RCHY1: variants seen among roughly 807,000 people sequenced by gnomAD.
The protein encoded by RCHY1 is RING finger and CHY zinc finger domain-containing protein 1.
RCHY1 carries 21 observed loss-of-function variants against 41.6 expected under a neutral mutation model. The ratio of observed to expected loss-of-function variants is 0.51; its 90% CI spans 0.36 to 0.73. The LOEUF is 0.73. RCHY1 is among the 30% of genes least tolerant of loss of function. RCHY1 has a pLI of 0.00. For synonymous variants in RCHY1, 79 were observed against 102.9 expected (o/e 0.77, Z 1.41); for missense variants, 265 against 325.3 (o/e 0.81, Z 1.43).
At chr4:75,490,493 A>ATATT in intron 8 of RCHY1, 88 bp downstream of exon 8, 1 of 843,974 alleles carries the variant, frequency 1.2e-6, no homozygotes, top group Admixed American at 2.6e-5. Context: ...GTATATATAT[A>ATATT]TTTTTTTTTT....
rs889916151 is a variant in RCHY1, at chr4:75,479,071, C to T, written c.*3467G>A. ...AGGAATAAACTTTACTGATCTATTACACAGAATGGTGAGTATAATAAATAA... is the reference window on the plus strand; with the variant it reads ...AGGAATAAACTTTACTGATCTATTATACAGAATGGTGAGTATAATAAATAA... On this transcript the variant is annotated 3_prime_UTR_variant, in exon 9 of 9. Transcript: ENST00000324439. 6.6e-6 allele frequency: 1 copy of T among 151,976 alleles called. No homozygotes were observed. Among genetic ancestry groups the T allele is most frequent in the Non-Finnish European group, 1.5e-5 (1 of 67,966 alleles). The allele number at this position is 151,976 out of a possible 1,614,324, so 9.4% of individuals were successfully genotyped here.
intron 8 of RCHY1, among the ~76,000 whole-genome samples, chr4:75,485,302 A>G (rs949736826): frequency 1.3e-5 from 2 of 152,244 alleles, no homozygotes; most frequent in South Asian, 2.1e-4. Context: ...TTTAGCTAAG[A>G]AACAGTAGTT....
intron 1 of RCHY1, among the ~76,000 whole-genome samples, chr4:75,510,028 G>T (rs1724720178): frequency 1.3e-5 from 2 of 152,116 alleles, no homozygotes; most frequent in African/African-American, 4.8e-5. Flanking sequence ...AAATAATAAA[G>T]ATTATATTCT....
rs777795487 is a variant in RCHY1 at position 75,490,703 on chromosome 4, TGAAAGA to T, written c.537-8_537-3del. 6.3e-7 allele frequency: 1 copy of T among 1,597,958 alleles called. No individual in the cohort carries two copies. Among genetic ancestry groups the T allele is most frequent in the Non-Finnish European group, 8.5e-7 (1 of 1,170,786 alleles). On this transcript the variant is annotated splice_region_variant and splice_polypyrimidine_tract_variant and intron_variant, in intron 7 of 8. Coordinates refer to ENST00000324439, the MANE Select transcript of RCHY1 (RefSeq NM_015436.4). Reference sequence around the variant, plus strand: ...ATACATAATGGACATCTGTAGCCTCTGAAAGAGATAGAAAGGTTATTTTCCAAATAT... The same window carrying T: ...ATACATAATGGACATCTGTAGCCTCTGATAGAAAGGTTATTTTCCAAATAT...
chr4:75,514,124 T>TA lies in RCHY1; in HGVS notation c.90+72dup, dbSNP rs746596177. The TA allele has an allele frequency of 8.3e-6, 13 of 1,559,236 alleles. No homozygotes were observed. In the African/African-American group the frequency reaches 1.6e-4, roughly 19 times the overall value. On this transcript the variant is annotated intron_variant, in intron 1 of 8. Transcript: ENST00000324439. ...TTAACCTCAAACTTAAATCCAAGCC[T>TA]AACCACCTGCCCAGCCCGCCCCAGC...
Position 75,491,987 on chromosome 4 carries a change from G to A in RCHY1, c.406-54C>T, listed in dbSNP as rs552242145. ...AAAGCTTAACTAGATTAAAATGTCA[G>A]GTATAAAAATATTAATAATAAAAAT... On this transcript the variant is annotated intron_variant, in intron 4 of 8. Transcript: ENST00000324439. 1,898 of 1,322,568 alleles carry A rather than the reference G, an allele frequency of 1.4e-3. 3 individuals carry two copies. The highest frequency in any genetic ancestry group is 1.5e-3 in the Non-Finnish European group (1,424 of 973,968). The allele number at this position is 1,322,568 out of a possible 1,614,324, so 81.9% of individuals were successfully genotyped here.
At chr4:75,483,817 T>C (rs1721747525) in intron 8 of RCHY1, among the ~76,000 whole-genome samples, 1 of 152,200 alleles carries the variant, frequency 6.6e-6, no homozygotes, top group Admixed American at 6.5e-5. Context: ...CTGAAGTATC[T>C]GAAGATGTTC....
At chr4:75,494,008 T>A in intron 4 of RCHY1, 93 bp downstream of exon 4, 1 of 745,730 alleles carries the variant, frequency 1.3e-6, no homozygotes, top group African/African-American at 1.9e-5. Flanking sequence ...TGGAAATACA[T>A]GAAAATTAGC....
In RCHY1 at chr4:75,482,495, C is replaced by T; in HGVS notation, c.*43G>A. 6.5e-7 allele frequency: 1 copy of T among 1,538,090 alleles called. No individual in the cohort carries two copies. The highest frequency in any genetic ancestry group is 8.8e-7 in the Non-Finnish European group (1 of 1,141,704). On this transcript the variant is annotated 3_prime_UTR_variant, in exon 9 of 9. Transcript: ENST00000324439. ...ACACGATACCAAGGAAAGCCTTTTT[C>T]TATATCAGAAAATGCCAAGTTCTCC...
chr4:75,493,387 C>A (rs1302299612), intron 4 of RCHY1, among the ~76,000 whole-genome samples: 14 of 151,800 alleles, frequency 9.2e-5, no homozygotes. Flanking sequence ...ACTTCTTATT[C>A]TTATATTCTA....
intron 3 of RCHY1, among the ~76,000 whole-genome samples, chr4:75,501,356 C>G (rs1247478261): frequency 6.6e-6 from 1 of 152,164 alleles, no homozygotes; most frequent in Non-Finnish European, 1.5e-5. Flanking sequence ...TATTGATGAT[C>G]ATATGTCATT....
intron 3 of RCHY1, among the ~76,000 whole-genome samples, chr4:75,506,212 C>T (rs901191568): frequency 9.9e-5 from 15 of 150,982 alleles, no homozygotes; most frequent in Admixed American, 4.0e-4. Context: ...CATTAACTGC[C>T]TTCTGAAAGA....
At position 75,479,504 on chromosome 4, in the gene RCHY1, A is replaced by C. The variant is rs1462119972; in HGVS notation, c.*3034T>G. The C allele has an allele frequency of 6.6e-6, 1 of 152,116 alleles. No individual in the cohort carries two copies. The highest frequency in any genetic ancestry group is 1.5e-5 in the Non-Finnish European group (1 of 67,974). The allele number at this position is 152,116 out of a possible 1,614,324, so 9.4% of individuals were successfully genotyped here. ...GGTTTTAGTGAAGAAATAAAAACTGAGTTTGATTTTAAAATCCATGACACT... is the reference window on the plus strand; with the variant it reads ...GGTTTTAGTGAAGAAATAAAAACTGCGTTTGATTTTAAAATCCATGACACT... On this transcript the variant is annotated 3_prime_UTR_variant, in exon 9 of 9. Coordinates refer to ENST00000324439, the MANE Select transcript of RCHY1 (RefSeq NM_015436.4).
chr4:75,490,479 A>C (rs566398285), intron 8 of RCHY1, 102 bp downstream of exon 8: 21 of 812,040 alleles, frequency 2.6e-5, no homozygotes, highest in Non-Finnish European at 3.9e-5. Context: ...TCTGTGTCAA[A>C]CCAGTATATA....
chr4:75,492,039 T>C (rs747483124), intron 4 of RCHY1, 106 bp from the exon 5 acceptor site: 69 of 735,386 alleles, frequency 9.4e-5, no homozygotes, highest in Non-Finnish European at 1.3e-4. Context: ...CTAAAAATAA[T>C]AGCTAACATT....
chr4:75,494,146 C>A lies in RCHY1; in HGVS notation c.360G>T (p.Leu120Phe). 6.4e-7 allele frequency: 1 copy of A among 1,565,784 alleles called. No individual in the cohort carries two copies. Among genetic ancestry groups the A allele is most frequent in the South Asian group, 1.2e-5 (1 of 83,562 alleles). The change falls in exon 4 of 9, where the codon TTG (leucine) becomes TTT (phenylalanine). Residue 120 changes from leucine (L) to phenylalanine (F), a missense_variant. Physicochemically the swap from Leu to Phe is conservative, Grantham distance 22 (BLOSUM62 0). Coordinates refer to ENST00000324439, the MANE Select transcript of RCHY1 (RefSeq NM_015436.4). ...IGPKEDFFHCLKCNLCLAMNL... is the reference protein window; with the variant it reads ...IGPKEDFFHCFKCNLCLAMNL... Reference sequence around the variant, plus strand: ...TCATAGCTAGGCATAAGTTACATTTCAAACAATGGAAAAAATCTTCCTTTG... The same window carrying A: ...TCATAGCTAGGCATAAGTTACATTTAAAACAATGGAAAAAATCTTCCTTTG...
chr4:75,510,005 T>C (rs1724719143), intron 1 of RCHY1, among the ~76,000 whole-genome samples: 2 of 152,220 alleles, frequency 1.3e-5, no homozygotes, highest in African/African-American at 4.8e-5. Flanking sequence ...CCAGATAAAT[T>C]CATTTACATT....
intron 8 of RCHY1, among the ~76,000 whole-genome samples, chr4:75,487,867 A>AATATATATTCATAAT (rs1722379147): frequency 7.1e-5 from 5 of 70,834 alleles, no homozygotes; most frequent in Non-Finnish European, 9.9e-5. Flanking sequence ...ATATATTCAT[A>AATATATATTCATAAT]ATATATATTC....
chr4:75,489,033 C>T (rs1013145560), intron 8 of RCHY1, among the ~76,000 whole-genome samples: 1 of 151,930 alleles, frequency 6.6e-6, no homozygotes. Context: ...CGAGATTGTG[C>T]CACTGCACTC....
Sources: allele counts gnomAD v4.1 joint callset (sites outside exome capture counted in the v4.1 genomes callset), GRCh38; gene constraint gnomAD v4.1.1; transcripts MANE v1.5; gene names NCBI Gene and HGNC (gene_info 2026-07-23, HGNC 2026-07-21).